Variants in EZR observed in about 807,000 individuals in gnomAD.
The protein encoded by EZR is cytovillin 2.
EZR carries 40 observed loss-of-function variants against 74.8 expected under a neutral mutation model. The observed-to-expected ratio is 0.53, with a 90% confidence interval of 0.42 to 0.70. The LOEUF (loss-of-function observed/expected upper bound fraction) is 0.70, where lower values mean the gene tolerates loss of function less well. Ranked by LOEUF, EZR falls within the 30% of genes least tolerant of loss-of-function variation. The pLI is 0.00. For missense variants in EZR, 678 were observed against 755.8 expected (o/e 0.90, Z 1.21); for synonymous variants, 341 against 283.3 (o/e 1.20, Z -2.05).
At chr6:158,791,580 CCTTT>C (rs1791747231) in intron 2 of EZR, among the ~76,000 whole-genome samples, 1 of 152,026 alleles carries the variant, frequency 6.6e-6, no homozygotes, top group Non-Finnish European at 1.5e-5. Flanking sequence ...GGATATGCCA[CCTTT>C]CTTTCTCTGC....
intron 6 of EZR, among the ~76,000 whole-genome samples, chr6:158,784,055 G>A (rs1352327025): frequency 6.6e-6 from 1 of 152,156 alleles, no homozygotes; most frequent in Non-Finnish European, 1.5e-5. Context: ...AAGGATGTTT[G>A]GGCCAGACAG....
At chr6:158,767,818 GCT>G (rs914101811) in intron 12 of EZR, among the ~76,000 whole-genome samples, 3 of 152,016 alleles carry the variant, frequency 2.0e-5, no homozygotes, top group African/African-American at 7.3e-5. Context: ...TGAGTAACGG[GCT>G]CTGTTCCTAG....
intron 2 of EZR, among the ~76,000 whole-genome samples, chr6:158,800,533 G>A (rs1777166378): frequency 6.6e-6 from 1 of 152,220 alleles, no homozygotes; most frequent in African/African-American, 2.4e-5. Context: ...GGGCACGGTG[G>A]CTCATGCCTA....
intron 4 of EZR, 107 bp from the exon 5 acceptor site, chr6:158,785,690 C>T: frequency 7.3e-7 from 1 of 1,366,064 alleles, no homozygotes; most frequent in Non-Finnish European, 1.0e-6. Flanking sequence ...AGCCAGTTTT[C>T]AGGAGATATT....
chr6:158,776,590 T>C, intron 7 of EZR, 86 bp from the exon 8 acceptor site: 1 of 911,312 alleles, frequency 1.1e-6, no homozygotes, highest in Non-Finnish European at 1.7e-6. Context: ...CAATTCTTAT[T>C]AGTTCAATTA....
intron 9 of EZR, among the ~76,000 whole-genome samples, 156 bp downstream of exon 9, chr6:158,771,088 G>A (rs115968903): frequency 0.016 from 2,469 of 152,278 alleles, 61 homozygotes; most frequent in African/African-American, 0.057. Flanking sequence ...CACAGCAACC[G>A]CCCAGAGACA....
chr6:158,794,579 C>T (rs1195161327), intron 2 of EZR, among the ~76,000 whole-genome samples: 2 of 152,156 alleles, frequency 1.3e-5, no homozygotes, highest in African/African-American at 4.8e-5. Context: ...CACACATATC[C>T]AAACTATGTG....
intron 9 of EZR, 77 bp from the exon 10 acceptor site, chr6:158,770,971 C>T: frequency 6.3e-7 from 1 of 1,599,972 alleles, no homozygotes; most frequent in Non-Finnish European, 8.5e-7. Context: ...TTCACGGGTA[C>T]TTGAAGCTCC....
chr6:158,806,514 CTCAT>C (rs201154091), intron 2 of EZR, among the ~76,000 whole-genome samples: 7,451 of 148,402 alleles, frequency 0.05, 243 homozygotes, highest in African/African-American at 0.088. Context: ...TTTTAAGGCC[CTCAT>C]TCATTATTTC....
chr6:158,769,380 G>C lies in EZR; in HGVS notation c.1290C>G (p.Leu430=), dbSNP rs773998060. ...ELAEYTAKIA[L]LEEARRRKED... ...CCTTGCGCCTCCGCGCCTCTTCCAG[G>C]AGGGCAATCTTGGCAGTGTATTCTG... The change falls in exon 12 of 14, where the codon CTC becomes CTG. Residue 430 remains leucine (L), a synonymous_variant. Transcript: ENST00000367075. The C allele has an allele frequency of 6.2e-7, 1 of 1,609,078 alleles. No individual in the cohort carries two copies. The highest frequency in any genetic ancestry group is 8.5e-7 in the Non-Finnish European group (1 of 1,180,018).
At chr6:158,786,057 A>G (rs1420109770) in intron 4 of EZR, among the ~76,000 whole-genome samples, 1 of 151,018 alleles carries the variant, frequency 6.6e-6, no homozygotes, top group African/African-American at 2.4e-5. Context: ...TCTCTTCTTA[A>G]AAAACAACAA....
At chr6:158,769,493 G>T (rs2128564355) in intron 11 of EZR, 75 bp from the exon 12 acceptor site, 1 of 1,449,846 alleles carries the variant, frequency 6.9e-7, no homozygotes, top group South Asian at 1.2e-5. Flanking sequence ...GAGTGTTCAT[G>T]TGTGTTGGCA....
chr6:158,767,005 T>A lies in EZR; in HGVS notation c.1670A>T (p.Asn557Ile). 1 of 1,614,220 alleles carries A rather than the reference T, an allele frequency of 6.2e-7. No individual in the cohort carries two copies. The highest frequency in any genetic ancestry group is 8.5e-7 in the Non-Finnish European group (1 of 1,180,024). Residue 557 changes from asparagine (N) to isoleucine (I), a missense_variant, in exon 14 of 14, where the codon AAC (asparagine) becomes ATC (isoleucine). Transcript: ENST00000367075. Reference protein sequence around the residue: ...RTHNDIIHNENMRQGRDKYKT... With the variant: ...RTHNDIIHNEIMRQGRDKYKT... ...GTACTTGTCCCGGCCTTGCCTCATG[T>A]TCTCGTTGTGGATGATGTCATTGTG...
At chr6:158,817,279 G>T (rs1421348622) in intron 2 of EZR, among the ~76,000 whole-genome samples, 2 of 152,164 alleles carry the variant, frequency 1.3e-5, no homozygotes, top group African/African-American at 4.8e-5. Context: ...GTTAAAAGCA[G>T]GTAGAATACA....
chr6:158,818,295 C>T (rs1777608080), intron 1 of EZR, 129 bp from the exon 2 acceptor site: 1 of 383,288 alleles, frequency 2.6e-6, no homozygotes, highest in Non-Finnish European at 4.6e-6. Flanking sequence ...TGAGTCAGCG[C>T]CCCGCCCAGC....
intron 1 of EZR, 128 bp from the exon 2 acceptor site, chr6:158,818,294 G>T (rs1025894980): frequency 3.4e-5 from 13 of 382,626 alleles, no homozygotes; most frequent in Non-Finnish European, 5.6e-5. Context: ...GTGAGTCAGC[G>T]CCCCGCCCAG....
intron 2 of EZR, among the ~76,000 whole-genome samples, chr6:158,802,931 C>A (rs971397619): frequency 3.3e-5 from 5 of 151,214 alleles, no homozygotes; most frequent in African/African-American, 9.9e-5. Context: ...TCCTACCCTG[C>A]GATTCTCCTG....
At chr6:158,792,329 G>A (rs1024324017) in intron 2 of EZR, among the ~76,000 whole-genome samples, 19 of 151,442 alleles carry the variant, frequency 1.3e-4, no homozygotes, top group African/African-American at 4.4e-4. Flanking sequence ...CTCCTGCCTC[G>A]GCCTCCCAAG....
chr6:158,789,281 G>A lies in EZR; in HGVS notation c.96+7C>T, dbSNP rs1411354301. Reference sequence around the variant, plus strand: ...GGTGGAGTTAACTCTCAAGTTCAGAGACCAACCTGATCAAAAAGCTGTTTT... The same window carrying A: ...GGTGGAGTTAACTCTCAAGTTCAGAAACCAACCTGATCAAAAAGCTGTTTT... On this transcript the variant is annotated splice_region_variant and intron_variant, in intron 3 of 13. Coordinates refer to ENST00000367075, the MANE Select transcript of EZR (RefSeq NM_001111077.2). 4 of 1,611,836 alleles carry A rather than the reference G, an allele frequency of 2.5e-6. No individual in the cohort carries two copies. The Admixed American group carries it at 5.0e-5, about 20-fold the overall frequency.
Sources: gnomAD v4.1 joint callset for allele counts (sites outside exome capture counted in the v4.1 genomes callset) on GRCh38, gnomAD v4.1.1 for gene constraint, MANE v1.5 for transcripts, NCBI Gene and HGNC (gene_info 2026-07-23, HGNC 2026-07-21) for gene names.